The following PREB variants were observed in gnomAD, a reference collection of about 807,000 sequenced individuals.
The protein encoded by PREB is prolactin regulatory element binding.
In PREB, 29 loss-of-function variants were observed where a neutral mutation model predicts 46.7. The observed-to-expected ratio is 0.62, with a 90% CI of 0.46 to 0.85. PREB has a LOEUF of 0.85. PREB is among the 40% of genes least tolerant of loss of function. The pLI is 0.00. For missense variants in PREB, 494 were observed against 528.4 expected, an observed-to-expected ratio of 0.93 and a Z score of 0.64; for synonymous variants, 224 against 220.1, an observed-to-expected ratio of 1.02 and a Z score of -0.16.
rs2148418928 is a variant in PREB at position 27,132,631 on chromosome 2, T to G, written c.724A>C (p.Ser242Arg). The G allele has an allele frequency of 6.2e-7, 1 of 1,614,158 alleles. No homozygotes were observed. Among genetic ancestry groups the G allele is most frequent in the South Asian group, 1.1e-5 (1 of 91,078 alleles). Residue 242 changes from serine to arginine, a missense_variant, in exon 5 of 9, where the codon AGC (serine) becomes CGC (arginine). By Grantham distance (110) the Ser-to-Arg change is moderately radical. Coordinates refer to ENST00000260643, the MANE Select transcript of PREB (RefSeq NM_013388.6). The surrounding 1 kb of genome is among the most constrained non-coding windows in gnomAD (Gnocchi z 4.0). ...HWQENGPTFS[S>R]TPYRYQACRF... The stretch of plus-strand genomic sequence containing the variant: ...CAGGCCTGGTAGCGGTAAGGTGTGC[T>G]GGAAAAGGTGGGTCCATTTTCTTGC...
intron 1 of PREB, 145 bp from the exon 2 acceptor site, chr2:27,133,866 A>T (rs1290792926): frequency 1.4e-6 from 1 of 695,712 alleles, no homozygotes; most frequent in Non-Finnish European, 2.3e-6. Context: ...TTTGGGCCTC[A>T]CAAATCTACA....
At chr2:27,133,887 G>C in intron 1 of PREB, 166 bp from the exon 2 acceptor site, 1 of 681,656 alleles carries the variant, frequency 1.5e-6, no homozygotes, top group South Asian at 1.9e-5. Flanking sequence ...CAGTGAGCAG[G>C]ACTGGGATTA....
Position 27,132,646 on chromosome 2 carries a change from C to T in PREB, c.709G>A (p.Gly237Arg), listed in dbSNP as rs1558479416. Residue 237 changes from glycine (G) to arginine (R), a missense_variant, in exon 5 of 9, where the codon GGA becomes AGA. Coordinates refer to ENST00000260643, the MANE Select transcript of PREB (RefSeq NM_013388.6). This position sits in a 1 kb window ranked among gnomAD's most constrained non-coding sequence, Gnocchi z 4.0. Reference protein sequence around the residue: ...LVTQLHWQENGPTFSSTPYRY... With the variant: ...LVTQLHWQENRPTFSSTPYRY... ...TAAGGTGTGCTGGAAAAGGTGGGTCCATTTTCTTGCCAGTGCAGCTGTGTC... is the reference window on the plus strand; with the variant it reads ...TAAGGTGTGCTGGAAAAGGTGGGTCTATTTTCTTGCCAGTGCAGCTGTGTC... The T allele has an allele frequency of 6.2e-7, 1 of 1,614,128 alleles. No individual in the cohort carries two copies. Among genetic ancestry groups the T allele is most frequent in the Non-Finnish European group, 8.5e-7 (1 of 1,180,030 alleles).
At position 27,132,089 on chromosome 2, in the gene PREB, CA is replaced by C. The variant is rs1444061939; in HGVS notation, c.927-8del. 1.2e-6 allele frequency: 2 copies of C among 1,613,986 alleles called. No homozygotes were observed. Among genetic ancestry groups the C allele is most frequent in the East Asian group, 4.5e-5 (2 of 44,880 alleles). ...TAGGAAGGTGCCGGATTCACTGCAA[CA>C]AACAATAAAGAGCTCATTGTCCTGG... On this transcript the variant is annotated splice_region_variant and splice_polypyrimidine_tract_variant and intron_variant, in intron 6 of 8. Coordinates refer to ENST00000260643, the MANE Select transcript of PREB (RefSeq NM_013388.6). This position sits in a 1 kb window ranked among gnomAD's most constrained non-coding sequence, Gnocchi z 4.0.
chr2:27,131,295 A>T lies in PREB; in HGVS notation c.*119T>A, dbSNP rs754088148. On this transcript the variant is annotated 3_prime_UTR_variant, in exon 9 of 9. Coordinates refer to ENST00000260643, the MANE Select transcript of PREB (RefSeq NM_013388.6). ...CTAGAAGGGCAGGCAGTGCCCATTC[A>T]TCTTGTCAGCGGCAACCTCAGCTGT... 1.1e-6 allele frequency: 1 copy of T among 915,080 alleles called. No homozygotes were observed. The highest frequency in any genetic ancestry group is 1.7e-6 in the Non-Finnish European group (1 of 584,232). The allele number at this position is 915,080 out of a possible 1,614,324, so 56.7% of individuals were successfully genotyped here.
rs1572344732 is a variant in PREB at position 27,131,298 on chromosome 2, T to C, written c.*116A>G. The C allele has an allele frequency of 1.4e-5, 13 of 952,420 alleles. No homozygotes were observed. In the South Asian group the frequency reaches 1.8e-4, roughly 13 times the overall value. The allele number at this position is 952,420 out of a possible 1,614,324, so 59.0% of individuals were successfully genotyped here. A position where few individuals can be genotyped will look rare whatever the true frequency, so the allele number is the denominator to read the frequency against. ...GAAGGGCAGGCAGTGCCCATTCATC[T>C]TGTCAGCGGCAACCTCAGCTGTGGA... On this transcript the variant is annotated 3_prime_UTR_variant, in exon 9 of 9. Coordinates refer to ENST00000260643, the MANE Select transcript of PREB (RefSeq NM_013388.6).
Position 27,134,377 on chromosome 2 carries a change from C to T in PREB, c.45G>A (p.Pro15=), listed in dbSNP as rs773411080. Residue 15 remains proline, a synonymous_variant, in exon 1 of 9, where the codon CCG becomes CCA. Coordinates refer to ENST00000260643, the MANE Select transcript of PREB (RefSeq NM_013388.6). The part of the protein sequence containing the change: ...RAPELYRAPF[P]LYALQVDPST... Reference sequence around the variant, plus strand: ...TGGGGTCGACCTGAAGCGCGTACAACGGGAACGGAGCCCGGTACAGCTCTG... The same window carrying T: ...TGGGGTCGACCTGAAGCGCGTACAATGGGAACGGAGCCCGGTACAGCTCTG... 1.2e-6 allele frequency: 2 copies of T among 1,610,362 alleles called. No homozygotes were observed. The highest frequency in any genetic ancestry group is 1.7e-6 in the Non-Finnish European group (2 of 1,179,202).
rs568439376 is a variant in PREB at position 27,133,153 on chromosome 2, G to A, written c.510C>T (p.Ala170=). 7.0e-5 allele frequency: 113 copies of A among 1,614,196 alleles called. 1 individual carries two copies. The South Asian group carries it at 1.2e-3, about 17-fold the overall frequency. Residue 170 remains alanine (A), a synonymous_variant, in exon 3 of 9, where the codon GCC becomes GCT. Coordinates refer to ENST00000260643, the MANE Select transcript of PREB (RefSeq NM_013388.6). ...GGACGTAGCCATCTGTTCCTCCAGT[G>A]GCAAGCAGGGTATTATCGTGGTTGA... The part of the protein sequence containing the change: ...VCFNHDNTLL[A]TGGTDGYVRV...
rs1365349541 is a variant in PREB, at chr2:27,132,819, C to T, written c.627+24G>A. The T allele has an allele frequency of 3.1e-6, 5 of 1,613,520 alleles. No homozygotes were observed. In the South Asian group the frequency reaches 5.5e-5, roughly 18 times the overall value. On this transcript the variant is annotated intron_variant, in intron 4 of 8. Coordinates refer to ENST00000260643, the MANE Select transcript of PREB (RefSeq NM_013388.6). This position sits in a 1 kb window ranked among gnomAD's most constrained non-coding sequence, Gnocchi z 4.0. The stretch of plus-strand genomic sequence containing the variant: ...GCACCTCCTCTCTCCTTTCTCCATC[C>T]TCCTCCCACCCCCAGCCCCTCACCT...
chr2:27,133,842 T>G, intron 1 of PREB, 121 bp from the exon 2 acceptor site: 1 of 987,624 alleles, frequency 1.0e-6, no homozygotes, highest in Non-Finnish European at 1.5e-6. Context: ...GTTTCTCGAG[T>G]CTTTTTTCTC....
chr2:27,133,923 G>C (rs1348078843), intron 1 of PREB: 1 of 631,518 alleles, frequency 1.6e-6, no homozygotes, highest in Non-Finnish European at 2.7e-6. Flanking sequence ...AGAACAGGGT[G>C]AAGCTCAGGA....
rs1345162885 is a variant in PREB, at chr2:27,131,842, A to C, written c.1000-11T>G. 3 of 1,613,358 alleles carry C rather than the reference A, an allele frequency of 1.9e-6. No individual in the cohort carries two copies. Among genetic ancestry groups the C allele is most frequent in the Non-Finnish European group, 2.5e-6 (3 of 1,179,580 alleles). The stretch of plus-strand genomic sequence containing the variant: ...CACGTAGTAGAGGCACTGTGGGCAG[A>C]AGGAATACCAGTGAGGAAAGGCCTA... On this transcript the variant is annotated splice_polypyrimidine_tract_variant and intron_variant, in intron 7 of 8. Transcript: ENST00000260643.
intron 1 of PREB, 128 bp from the exon 2 acceptor site, chr2:27,133,849 TCTCTCA>T: frequency 1.3e-5 from 11 of 874,018 alleles, no homozygotes; most frequent in African/African-American, 1.1e-4. Flanking sequence ...GAGTCTTTTT[TCTCTCA>T]TTTGGGCCTC....
chr2:27,134,412 G>A lies in PREB; in HGVS notation c.10C>T (p.Arg4Cys). 1 of 1,584,690 alleles carries A rather than the reference G, an allele frequency of 6.3e-7. No homozygotes were observed. Among genetic ancestry groups the A allele is most frequent in the Non-Finnish European group, 8.5e-7 (1 of 1,169,686 alleles). Reference protein sequence around the residue: MGRRRAPELYRAPF... With the variant: MGRCRAPELYRAPF... ...GCCCGGTACAGCTCTGGCGCCCGGC[G>A]CCGGCCCATCCCGCCCGGCGCGCGT... Residue 4 changes from arginine to cysteine, a missense_variant, in exon 1 of 9, where the codon CGC becomes TGC. Coordinates refer to ENST00000260643, the MANE Select transcript of PREB (RefSeq NM_013388.6).
chr2:27,134,422 C>A lies in PREB; in HGVS notation c.-1G>T. On this transcript the variant is annotated 5_prime_UTR_variant, in exon 1 of 9. Coordinates refer to ENST00000260643, the MANE Select transcript of PREB (RefSeq NM_013388.6). ...GCTCTGGCGCCCGGCGCCGGCCCAT[C>A]CCGCCCGGCGCGCGTTCACTGCCCG... 3 of 1,566,494 alleles carry A rather than the reference C, an allele frequency of 1.9e-6. No homozygotes were observed. Among genetic ancestry groups the A allele is most frequent in the Non-Finnish European group, 2.6e-6 (3 of 1,162,174 alleles).
chr2:27,133,786 T>G (rs777195538), intron 1 of PREB, 65 bp from the exon 2 acceptor site: 731 of 1,496,002 alleles, frequency 4.9e-4, no homozygotes, highest in Admixed American at 5.9e-4. Flanking sequence ...TAGGGAAGAG[T>G]CTGATGTCTT....
Position 27,131,247 on chromosome 2 carries a change from A to G in PREB, c.*167T>C. 1.5e-6 allele frequency: 1 copy of G among 655,176 alleles called. No individual in the cohort carries two copies. Among genetic ancestry groups the G allele is most frequent in the East Asian group, 2.7e-5 (1 of 36,782 alleles). The allele number at this position is 655,176 out of a possible 1,614,324, so 40.6% of individuals were successfully genotyped here. ...AGGTTCCTGGGACCTGGAGTCACAC[A>G]GGGCCATAGCCAAGCCTTTTCACTA... On this transcript the variant is annotated 3_prime_UTR_variant, in exon 9 of 9. Coordinates refer to ENST00000260643, the MANE Select transcript of PREB (RefSeq NM_013388.6).
chr2:27,131,457 A>G lies in PREB; in HGVS notation c.1211T>C (p.Val404Ala). The G allele has an allele frequency of 6.4e-7, 1 of 1,571,756 alleles. No homozygotes were observed. Among genetic ancestry groups the G allele is most frequent in the Non-Finnish European group, 8.6e-7 (1 of 1,157,966 alleles). Residue 404 changes from valine (V) to alanine (A), a missense_variant, in exon 9 of 9, where the codon GTG (valine) becomes GCG (alanine). Coordinates refer to ENST00000260643, the MANE Select transcript of PREB (RefSeq NM_013388.6). ...GGCACTCTGGAGCAGCAGGATGGTC[A>G]CAATAATAAGCCCGACACACAGCAG... ...LLLLCVGLIIVTILLLQSAFP... is the reference protein window; with the variant it reads ...LLLLCVGLIIATILLLQSAFP...
At chr2:27,134,061 G>A in intron 1 of PREB, 1 of 667,426 alleles carries the variant, frequency 1.5e-6, no homozygotes, top group Non-Finnish European at 2.5e-6. Context: ...AAGCGTTCCT[G>A]GCGACTCTGC....
Sources: allele counts gnomAD v4.1 joint callset, GRCh38; gene constraint gnomAD v4.1.1; non-coding constraint Gnocchi (gnomAD v3.1); transcripts MANE v1.5; gene names NCBI Gene and HGNC (gene_info 2026-07-23, HGNC 2026-07-21).